Variants in PATJ observed in about 807,000 individuals in gnomAD.
The protein encoded by PATJ is PATJ crumbs cell polarity complex component, also known as inaD-like protein.
Under a neutral mutation model 224.9 loss-of-function variants are expected in PATJ, and 190 were observed. The ratio of observed to expected loss-of-function variants is 0.84; its 90% CI spans 0.75 to 0.95. The LOEUF (loss-of-function observed/expected upper bound fraction) is 0.95, where lower values mean the gene tolerates loss of function less well. PATJ is among the 40% of genes least tolerant of loss of function. The pLI is 0.00. For synonymous variants in PATJ, 769 were observed against 820.3 expected (o/e 0.94, Z 1.07); for missense variants, 2,121 against 2,270.3 (o/e 0.93, Z 1.34).
chr1:61,792,654 C>T (rs144063994), intron 9 of PATJ, among the ~76,000 whole-genome samples: 115 of 151,994 alleles, frequency 7.6e-4, no homozygotes, highest in African/African-American at 2.6e-3. Context: ...CCCCAGCCTT[C>T]GGGTAGCTGG....
At chr1:61,885,516 G>A (rs1028457205) in intron 22 of PATJ, among the ~76,000 whole-genome samples, 1 of 151,522 alleles carries the variant, frequency 6.6e-6, no homozygotes, top group African/African-American at 2.4e-5. Context: ...TCATTCAAAA[G>A]TCAGGAAACA....
intron 29 of PATJ, among the ~76,000 whole-genome samples, chr1:62,021,155 G>C (rs942068035): frequency 6.6e-6 from 1 of 152,072 alleles, no homozygotes; most frequent in African/African-American, 2.4e-5. Flanking sequence ...CAGTTTTGGA[G>C]GCTAGGAAGT....
At chr1:61,979,312 T>C (rs926514562) in intron 27 of PATJ, among the ~76,000 whole-genome samples, 15 of 152,088 alleles carry the variant, frequency 9.9e-5, no homozygotes, top group Non-Finnish European at 2.1e-4. Flanking sequence ...GGAAGAGAAA[T>C]ATCTTTCCTT....
chr1:61,991,198 ATG>A (rs1645041647), intron 28 of PATJ, among the ~76,000 whole-genome samples: 2 of 110,468 alleles, frequency 1.8e-5, no homozygotes, highest in African/African-American at 5.5e-5. Context: ...GATGATGATG[ATG>A]ATGATGATGA....
In PATJ at chr1:61,990,328, A is replaced by T; in HGVS notation, c.3831A>T (p.Ala1277=). 6.2e-7 allele frequency: 1 copy of T among 1,613,296 alleles called. No homozygotes were observed. Among genetic ancestry groups the T allele is most frequent in the Non-Finnish European group, 8.5e-7 (1 of 1,179,810 alleles). Reference sequence around the variant, plus strand: ...TTAACCCGGAAGGACCTGCTGCCGCAGATGGACGAATGCGTATTGGAGATG... The same window carrying T: ...TTAACCCGGAAGGACCTGCTGCCGCTGATGGACGAATGCGTATTGGAGATG... ...VGINPEGPAA[A]DGRMRIGDEL... is the part of the protein sequence containing the mutation. Residue 1277 remains alanine (A), a synonymous_variant, in exon 28 of 44, where the codon GCA becomes GCT. Coordinates refer to ENST00000642238, the MANE Select transcript of PATJ (RefSeq NM_001350145.3).
chr1:61,782,194 C>A (rs1316233816), intron 7 of PATJ, among the ~76,000 whole-genome samples: 1 of 152,190 alleles, frequency 6.6e-6, no homozygotes, highest in Admixed American at 6.6e-5. Flanking sequence ...GAAGGCCTTT[C>A]CAAGGAAAGT....
rs761278812 is a variant in PATJ, at chr1:62,125,236, C to CAAAAAAAAAAAAAAAA, written c.5043+2180_5043+2195dup. Among the ~76,000 whole-genome samples, 38 of 27,740 alleles carry CAAAAAAAAAAAAAAAA rather than the reference C, an allele frequency of 1.4e-3. 1 individual carries two copies. The highest frequency in any genetic ancestry group is 5.5e-3 in the East Asian group (4 of 732). The allele number at this position is 27,740 out of a possible 152,430, so 18.2% of individuals were successfully genotyped here. A position where few individuals can be genotyped will look rare whatever the true frequency, so the allele number is the denominator to read the frequency against. ...TGGGTGACAGAGTAAAACCCTGTCTCAAAAAAAAAAAAAAAAACAAAAAAA... is the reference window on the plus strand; with the variant it reads ...TGGGTGACAGAGTAAAACCCTGTCTCAAAAAAAAAAAAAAAAAAAAAAAAAAAAAAAAACAAAAAAA... On this transcript the variant is annotated intron_variant, in intron 39 of 43. Coordinates refer to ENST00000642238, the MANE Select transcript of PATJ (RefSeq NM_001350145.3).
At chr1:61,869,509 T>C (rs1007002091) in intron 20 of PATJ, among the ~76,000 whole-genome samples, 3 of 152,156 alleles carry the variant, frequency 2.0e-5, no homozygotes, top group Non-Finnish European at 4.4e-5. Flanking sequence ...CAAGAGGGAA[T>C]GTTTGATAGC....
chr1:61,939,879 G>T (rs1677529972), intron 27 of PATJ, among the ~76,000 whole-genome samples: 1 of 151,478 alleles, frequency 6.6e-6, no homozygotes, highest in Admixed American at 6.6e-5. Context: ...CCACCATGTT[G>T]GCCAAGCTGG....
chr1:61,843,430 A>G (rs116180993), intron 17 of PATJ, among the ~76,000 whole-genome samples: 225 of 152,336 alleles, frequency 1.5e-3, no homozygotes, highest in African/African-American at 5.0e-3. Context: ...TTATAAGATT[A>G]CAAGGACTAA....
intron 15 of PATJ, among the ~76,000 whole-genome samples, chr1:61,823,302 G>T (rs1432425227): frequency 6.6e-6 from 1 of 152,174 alleles, no homozygotes; most frequent in Non-Finnish European, 1.5e-5. Flanking sequence ...TTATTTAAAT[G>T]AATGACTAGG....
intron 18 of PATJ, among the ~76,000 whole-genome samples, chr1:61,861,284 CT>C: frequency 2.9e-3 from 143 of 48,856 alleles, no homozygotes; most frequent in East Asian, 4.5e-3. Context: ...TTCTTTCTTT[CT>C]TTTTTTTTTT....
At chr1:61,989,683 GACCATGGTTTCT>G (rs1410583081) in intron 27 of PATJ, among the ~76,000 whole-genome samples, 2 of 152,078 alleles carry the variant, frequency 1.3e-5, no homozygotes, top group Non-Finnish European at 2.9e-5. Flanking sequence ...ATAGGAAGGG[GACCATGGTTTCT>G]ACCACTTTGT....
At chr1:61,756,420 A>G (rs540824782) in intron 1 of PATJ, among the ~76,000 whole-genome samples, 1 of 152,168 alleles carries the variant, frequency 6.6e-6, no homozygotes, top group African/African-American at 2.4e-5. Context: ...TTCAGGGCCC[A>G]CCTCAGACCT....
intron 31 of PATJ, among the ~76,000 whole-genome samples, chr1:62,074,774 G>A (rs996860611): frequency 3.9e-5 from 6 of 152,100 alleles, no homozygotes; most frequent in African/African-American, 1.4e-4. Context: ...GACCAGCCTG[G>A]CCAACATGGC....
At chr1:61,789,280 T>A (rs565484902) in intron 8 of PATJ, among the ~76,000 whole-genome samples, 14 of 151,916 alleles carry the variant, frequency 9.2e-5, no homozygotes, top group African/African-American at 3.4e-4. Flanking sequence ...CACTCCAGCC[T>A]GGCCAACAGG....
At chr1:61,991,688 C>T (rs1645073568) in intron 28 of PATJ, 2 of 983,692 alleles carry the variant, frequency 2.0e-6, no homozygotes, top group East Asian at 2.3e-4. Context: ...TATAATATAG[C>T]ACCACGAATG....
chr1:61,831,079 T>TG lies in PATJ; in HGVS notation c.1981-2568dup, dbSNP rs370822695. ...GCGGGTACCTGTAGTCCCAGCTACT[T>TG]GGGGGGGCTGAGGCAGGAGAATGGC... On this transcript the variant is annotated intron_variant, in intron 16 of 43. Transcript: ENST00000642238. Among the ~76,000 whole-genome samples, 809 of 147,688 alleles carry TG rather than the reference T, an allele frequency of 5.5e-3. 5 individuals are homozygous for TG. The highest frequency in any genetic ancestry group is 0.019 in the African/African-American group (754 of 39,746).
At chr1:61,938,661 A>C in intron 27 of PATJ, among the ~76,000 whole-genome samples, 1 of 152,040 alleles carries the variant, frequency 6.6e-6, no homozygotes, top group Non-Finnish European at 1.5e-5. Context: ...ACCAGCCTGG[A>C]CAACATAGTG....
Sources: gnomAD v4.1 joint callset for allele counts (sites outside exome capture counted in the v4.1 genomes callset) on GRCh38, gnomAD v4.1.1 for gene constraint, MANE v1.5 for transcripts, NCBI Gene and HGNC (gene_info 2026-07-23, HGNC 2026-07-21) for gene names.